PAX5: variants seen among roughly 807,000 people sequenced by gnomAD.
PAX5 encodes the protein paired box 5.
A neutral mutation model predicts 43.7 loss-of-function variants in PAX5; 9 were observed. That is an observed-to-expected ratio of 0.21 (90% CI 0.12 to 0.36). The LOEUF is 0.36. Among genes scored for constraint, PAX5 ranks in the 10% least tolerant of loss-of-function variants. The pLI, the probability that PAX5 is intolerant of heterozygous loss-of-function variation, is 1.00. For missense variants in PAX5, 383 were observed against 532.7 expected (o/e 0.72, Z 2.77); for synonymous variants, 228 against 214.3 (o/e 1.06, Z -0.56).
intron 2 of PAX5, among the ~76,000 whole-genome samples, chr9:37,019,397 G>A (rs1839673253): frequency 6.6e-6 from 1 of 152,132 alleles, no homozygotes; most frequent in South Asian, 2.1e-4. Flanking sequence ...CACAGCTCAG[G>A]TAACCTGCAC....
intron 6 of PAX5, among the ~76,000 whole-genome samples, chr9:36,936,471 C>T (rs1831560567): frequency 6.6e-6 from 1 of 152,198 alleles, no homozygotes; most frequent in Admixed American, 6.5e-5. Flanking sequence ...CTGCTCTTCC[C>T]ACTACATGGC....
chr9:36,946,808 A>G (rs1832557919), intron 6 of PAX5, among the ~76,000 whole-genome samples: 1 of 152,186 alleles, frequency 6.6e-6, no homozygotes, highest in African/African-American at 2.4e-5. Flanking sequence ...TTTACCAACC[A>G]CCAGCAGGCA....
chr9:36,910,370 C>T (rs992253032), intron 7 of PAX5, among the ~76,000 whole-genome samples: 1 of 152,182 alleles, frequency 6.6e-6, no homozygotes, highest in African/African-American at 2.4e-5. Context: ...TTATTTACAT[C>T]CCCTATGAGG....
intron 2 of PAX5, among the ~76,000 whole-genome samples, chr9:37,020,087 T>C (rs1411304219): frequency 7.5e-6 from 1 of 132,806 alleles, no homozygotes; most frequent in Non-Finnish European, 1.6e-5. Context: ...TATTTGAAAG[T>C]TGGTGTTTGG....
chr9:36,910,022 C>A (rs533357659), intron 7 of PAX5, among the ~76,000 whole-genome samples: 1 of 151,900 alleles, frequency 6.6e-6, no homozygotes, highest in Non-Finnish European at 1.5e-5. Flanking sequence ...GGGGTTTCAC[C>A]ATGTTGCTCA....
At chr9:36,945,061 C>A (rs1260613597) in intron 6 of PAX5, among the ~76,000 whole-genome samples, 2 of 152,148 alleles carry the variant, frequency 1.3e-5, no homozygotes, top group Non-Finnish European at 2.9e-5. Context: ...GCTGTAGCAA[C>A]AATCACAGAC....
At position 36,870,031 on chromosome 9, in the gene PAX5, GATAA is replaced by G. The variant is rs1200922055; in HGVS notation, c.1012+11969_1012+11972del. Among the ~76,000 whole-genome samples the G allele has an allele frequency of 4.6e-3, 128 of 27,868 alleles. 11 individuals carry two copies. Among genetic ancestry groups the G allele is most frequent in the East Asian group, 0.014 (5 of 352 alleles). The allele number at this position is 27,868 out of a possible 152,430, so 18.3% of individuals were successfully genotyped here. On this transcript the variant is annotated intron_variant, in intron 8 of 9. Coordinates refer to ENST00000358127, the MANE Select transcript of PAX5 (RefSeq NM_016734.3). ...AAATGGATGGATGGATGGATGGATGGATAAATGGATGGATGGATGGATGGATAAA... is the reference window on the plus strand; with the variant it reads ...AAATGGATGGATGGATGGATGGATGGATGGATGGATGGATGGATGGATAAA...
chr9:36,839,924 A>C lies in PAX5; in HGVS notation c.*636T>G. ...GGCCTCAGGGGGAGCCTGCAGCACA[A>C]CCAGCCCAGTGAGACTCCTCGTAAA... On this transcript the variant is annotated 3_prime_UTR_variant, in exon 10 of 10. Coordinates refer to ENST00000358127, the MANE Select transcript of PAX5 (RefSeq NM_016734.3). 4.3e-6 allele frequency: 1 copy of C among 234,718 alleles called. No individual in the cohort carries two copies. The highest frequency in any genetic ancestry group is 8.4e-6 in the Non-Finnish European group (1 of 118,966). The allele number at this position is 234,718 out of a possible 1,614,324, so 14.5% of individuals were successfully genotyped here. A position where few individuals can be genotyped will look rare whatever the true frequency, so the allele number is the denominator to read the frequency against.
intron 6 of PAX5, among the ~76,000 whole-genome samples, chr9:36,941,925 A>G (rs1004602682): frequency 6.6e-6 from 1 of 152,220 alleles, no homozygotes; most frequent in South Asian, 2.1e-4. Context: ...CATAGCTAGT[A>G]AGAAAAAGAG....
At chr9:37,027,844 G>A (rs1252339461) in intron 1 of PAX5, among the ~76,000 whole-genome samples, 2 of 152,268 alleles carry the variant, frequency 1.3e-5, no homozygotes, top group East Asian at 3.8e-4. Context: ...CAGCCCACAG[G>A]CTCCGCCTGA....
chr9:36,864,066 A>G (rs539220440), intron 8 of PAX5, among the ~76,000 whole-genome samples: 114 of 152,290 alleles, frequency 7.5e-4, no homozygotes, highest in African/African-American at 2.5e-3. Flanking sequence ...CCGAGATTGC[A>G]CCGCTACATT....
At chr9:36,943,529 T>TTCACACACACACACACACAC (rs35815065) in intron 6 of PAX5, among the ~76,000 whole-genome samples, 42 of 145,910 alleles carry the variant, frequency 2.9e-4, no homozygotes, top group Admixed American at 4.1e-4. Context: ...TAGTTCAACA[T>TTCACACACACACACACACAC]ACACACACAC....
intron 6 of PAX5, among the ~76,000 whole-genome samples, chr9:36,943,280 C>T (rs1258177743): frequency 1.3e-5 from 2 of 152,154 alleles, no homozygotes; most frequent in African/African-American, 4.8e-5. Flanking sequence ...TCTGGCATCC[C>T]CAAGTCTCCT....
chr9:36,887,848 A>G (rs1827031091), intron 7 of PAX5, among the ~76,000 whole-genome samples: 1 of 152,256 alleles, frequency 6.6e-6, no homozygotes, highest in Non-Finnish European at 1.5e-5. Context: ...TGACCCATAG[A>G]ATGGGAGAAA....
chr9:37,031,932 C>T (rs924769411), intron 1 of PAX5, among the ~76,000 whole-genome samples: 5 of 152,222 alleles, frequency 3.3e-5, no homozygotes, highest in African/African-American at 1.2e-4. Context: ...AAGAAGCTCT[C>T]ATAGGAACCA....
At position 36,882,876 on chromosome 9, in the gene PAX5, C is replaced by T. The variant is rs1418220974; in HGVS notation, c.911-771G>A. Among the ~76,000 whole-genome samples, 1 of 152,238 alleles carries T rather than the reference C, an allele frequency of 6.6e-6. No homozygotes were observed. Among genetic ancestry groups the T allele is most frequent in the Admixed American group, 6.5e-5 (1 of 15,290 alleles). ...TCCAGAGTGTCCATGTGTCTCTCAG[C>T]TGGGACACTGTCACCATCACTGATT... On this transcript the variant is annotated intron_variant, in intron 7 of 9. Transcript: ENST00000358127. The surrounding 1 kb of genome is among the most constrained non-coding windows in gnomAD (Gnocchi z 4.4).
At chr9:36,970,904 G>T (rs373675403) in intron 5 of PAX5, among the ~76,000 whole-genome samples, 193 of 152,292 alleles carry the variant, frequency 1.3e-3, no homozygotes, top group African/African-American at 4.5e-3. Flanking sequence ...GCTACCTTCG[G>T]GGTAAAGGTG....
rs146796681 is a variant in PAX5 at position 36,941,517 on chromosome 9, G to A, written c.781-18033C>T. ...TGTCCTGGCTCCAGCTCATGCCCTGGAGGTCAAGCACAACCATTTGAAATG... is the reference window on the plus strand; with the variant it reads ...TGTCCTGGCTCCAGCTCATGCCCTGAAGGTCAAGCACAACCATTTGAAATG... On this transcript the variant is annotated intron_variant, in intron 6 of 9. Coordinates refer to ENST00000358127, the MANE Select transcript of PAX5 (RefSeq NM_016734.3). Among the ~76,000 whole-genome samples, 472 of 152,246 alleles carry A rather than the reference G, an allele frequency of 3.1e-3. 6 individuals are homozygous for A. The highest frequency in any genetic ancestry group is 0.011 in the African/African-American group (447 of 41,538).
At chr9:36,876,156 T>C in intron 8 of PAX5, among the ~76,000 whole-genome samples, 1 of 152,340 alleles carries the variant, frequency 6.6e-6, no homozygotes, top group Admixed American at 6.5e-5. Context: ...TCACTCCCCC[T>C]GTGGTGTTCA....
Sources: gnomAD v4.1 joint callset for allele counts (sites outside exome capture counted in the v4.1 genomes callset) on GRCh38, gnomAD v4.1.1 for gene constraint, Gnocchi (gnomAD v3.1) non-coding constraint, MANE v1.5 for transcripts, NCBI Gene and HGNC (gene_info 2026-07-23, HGNC 2026-07-21) for gene names.